Variants in RBFOX1 observed in about 807,000 individuals in gnomAD.
RBFOX1 encodes the protein RNA binding fox-1 homolog 1.
In RBFOX1, 8 loss-of-function variants were observed where a neutral mutation model predicts 57.7. That is an observed-to-expected ratio of 0.14 (90% confidence interval 0.08 to 0.25). The LOEUF is 0.25. RBFOX1 is among the 10% of genes least tolerant of loss of function. RBFOX1 has a pLI of 1.00. For synonymous variants in RBFOX1, 326 were observed against 222.4 expected (o/e 1.47, Z -4.15); for missense variants, 611 against 548.5 (o/e 1.11, Z -1.14).
chr16:6,960,687 C>A (rs1028813233), intron 3 of RBFOX1, among the ~76,000 whole-genome samples: 1 of 152,060 alleles, frequency 6.6e-6, no homozygotes, highest in Non-Finnish European at 1.5e-5. Context: ...CCAGCATCTC[C>A]TGTCTCTGAC....
chr16:5,704,441 C>T (rs1025029038), intron 3 of RBFOX1, among the ~76,000 whole-genome samples: 3 of 152,106 alleles, frequency 2.0e-5, no homozygotes, highest in Admixed American at 2.0e-4. Context: ...TTAGAATGTG[C>T]ACAGCTCTGT....
At chr16:6,412,160 AC>A (rs1384567170) in intron 2 of RBFOX1, among the ~76,000 whole-genome samples, 4 of 151,568 alleles carry the variant, frequency 2.6e-5, no homozygotes, top group African/African-American at 9.7e-5. Context: ...AAACAAAAAA[AC>A]AAAAAAAAAC....
chr16:6,535,315 C>T (rs1028599300), intron 2 of RBFOX1, among the ~76,000 whole-genome samples: 2 of 152,154 alleles, frequency 1.3e-5, no homozygotes, highest in Non-Finnish European at 2.9e-5. Context: ...AAAAAGTGAA[C>T]CCAGAGATTT....
At chr16:7,478,627 G>T (rs1384912099) in intron 4 of RBFOX1, among the ~76,000 whole-genome samples, 1 of 152,114 alleles carries the variant, frequency 6.6e-6, no homozygotes, top group Non-Finnish European at 1.5e-5. Flanking sequence ...CATTATAAAT[G>T]ATTCAACTTA....
At chr16:6,550,912 C>A (rs531338189) in intron 2 of RBFOX1, among the ~76,000 whole-genome samples, 1 of 152,138 alleles carries the variant, frequency 6.6e-6, no homozygotes, top group Admixed American at 6.6e-5. Context: ...TGTGAATACT[C>A]GGGCAACTCA....
At chr16:6,731,514 G>C (rs183157543) in intron 3 of RBFOX1, among the ~76,000 whole-genome samples, 18 of 152,252 alleles carry the variant, frequency 1.2e-4, no homozygotes, top group Admixed American at 1.0e-3. Flanking sequence ...GTTCTTGAGA[G>C]TATTTCTCAG....
At chr16:5,630,010 C>A (rs532790772) in intron 3 of RBFOX1, among the ~76,000 whole-genome samples, 2 of 152,260 alleles carry the variant, frequency 1.3e-5, no homozygotes, top group East Asian at 3.9e-4. Flanking sequence ...CTCTCTATGT[C>A]CTGGGAGGTG....
chr16:6,667,201 C>G (rs1409172024), intron 3 of RBFOX1, among the ~76,000 whole-genome samples: 2 of 152,076 alleles, frequency 1.3e-5, no homozygotes, highest in East Asian at 1.9e-4. Flanking sequence ...GGGCCGGAAA[C>G]CTAAACGACA....
chr16:6,641,125 A>T (rs775268414), intron 2 of RBFOX1, among the ~76,000 whole-genome samples: 3 of 152,160 alleles, frequency 2.0e-5, no homozygotes, highest in Non-Finnish European at 4.4e-5. Context: ...CATCCTCAAA[A>T]CCTTTAATGA....
At chr16:7,234,581 T>C (rs34585810) in intron 4 of RBFOX1, among the ~76,000 whole-genome samples, 15,147 of 122,472 alleles carry the variant, frequency 0.12, 1,059 homozygotes, top group East Asian at 0.26. Flanking sequence ...ATGACATGTG[T>C]ATACATATGT....
At position 5,750,696 on chromosome 16, in the gene RBFOX1, G is replaced by A. The variant is rs962649629; in HGVS notation, c.319-116607G>A. Among the ~76,000 whole-genome samples the A allele has an allele frequency of 7.9e-5, 12 of 152,332 alleles. 1 individual carries two copies. The highest frequency in any genetic ancestry group is 3.3e-4 in the Admixed American group (5 of 15,308). On this transcript the variant is annotated intron_variant, in intron 3 of 19. Coordinates refer to the RBFOX1 transcript ENST00000641259. ...ATGGGATGTAACCTCCTGGTGTGCC[G>A]TTTGCTGACTGTTGGAAAAGTGCAG...
At chr16:5,649,152 CACATATATATGTACATATGTATAT>C (rs1489910956) in intron 3 of RBFOX1, among the ~76,000 whole-genome samples, 1 of 151,470 alleles carries the variant, frequency 6.6e-6, no homozygotes, top group East Asian at 1.9e-4. Flanking sequence ...CATATATATA[CACATATATATGTACATATGTATAT>C]ATGTACTTTG....
At chr16:5,677,108 C>T (rs2050191171) in intron 3 of RBFOX1, among the ~76,000 whole-genome samples, 1 of 152,178 alleles carries the variant, frequency 6.6e-6, no homozygotes. Context: ...TTATGGAGGG[C>T]AAGGTCAAAC....
chr16:6,232,521 C>G (rs1259310970), intron 1 of RBFOX1, among the ~76,000 whole-genome samples: 1 of 152,174 alleles, frequency 6.6e-6, no homozygotes, highest in Non-Finnish European at 1.5e-5. Context: ...GTGATCGTTT[C>G]TGCTCCACCC....
At chr16:7,519,950 A>T (rs1407647426) in intron 5 of RBFOX1, among the ~76,000 whole-genome samples, 1 of 152,056 alleles carries the variant, frequency 6.6e-6, no homozygotes, top group Admixed American at 6.5e-5. Context: ...CGGTGGCGCG[A>T]TCTCGGCTCA....
intron 2 of RBFOX1, among the ~76,000 whole-genome samples, chr16:6,619,126 G>A (rs573922311): frequency 1.3e-4 from 20 of 151,920 alleles, no homozygotes; most frequent in Middle Eastern, 3.4e-3. Context: ...ACACACACAT[G>A]GTACTTCGCT....
At chr16:6,803,037 C>A (rs560056078) in intron 3 of RBFOX1, among the ~76,000 whole-genome samples, 1 of 152,184 alleles carries the variant, frequency 6.6e-6, no homozygotes, top group African/African-American at 2.4e-5. Flanking sequence ...AAGGGACTTA[C>A]TCATTTCCAT....
chr16:6,748,662 C>G (rs529584762), intron 3 of RBFOX1, among the ~76,000 whole-genome samples: 8 of 152,196 alleles, frequency 5.3e-5, no homozygotes, highest in Admixed American at 1.3e-4. Flanking sequence ...CTGTCTCAAA[C>G]AAAACACCTA....
chr16:6,683,548 TC>T (rs1392143408), intron 3 of RBFOX1, among the ~76,000 whole-genome samples: 1 of 152,218 alleles, frequency 6.6e-6, no homozygotes, highest in Non-Finnish European at 1.5e-5. Context: ...TGTTTTGTTT[TC>T]GTTACAAATA....
Sources: allele counts gnomAD v4.1 joint callset (sites outside exome capture counted in the v4.1 genomes callset), GRCh38; gene constraint gnomAD v4.1.1; transcripts MANE v1.5; gene names NCBI Gene and HGNC (gene_info 2026-07-23, HGNC 2026-07-21).